The following DNASE2B variants were observed in gnomAD, a reference collection of about 807,000 sequenced individuals.
The protein encoded by DNASE2B is deoxyribonuclease 2 beta.
DNASE2B carries 43 observed loss-of-function variants against 46.0 expected under a neutral mutation model. The observed-to-expected ratio is 0.94, with a 90% CI of 0.73 to 1.21. The LOEUF (loss-of-function observed/expected upper bound fraction) is 1.21, where lower values mean the gene tolerates loss of function less well. DNASE2B is among the 50% of genes most tolerant of loss of function. DNASE2B has a pLI of 0.00. For synonymous variants in DNASE2B, 156 were observed against 152.5 expected (o/e 1.02, Z -0.17); for missense variants, 395 against 414.4 (o/e 0.95, Z 0.41).
intron 2 of DNASE2B, among the ~76,000 whole-genome samples, chr1:84,403,403 G>A (rs1227195403): frequency 6.6e-6 from 1 of 152,152 alleles, no homozygotes; most frequent in Non-Finnish European, 1.5e-5. Flanking sequence ...GTAAGCTAGA[G>A]AAAGGAAAAT....
intron 4 of DNASE2B, among the ~76,000 whole-genome samples, chr1:84,411,774 G>A (rs1463357980): frequency 6.6e-6 from 1 of 152,050 alleles, no homozygotes; most frequent in Non-Finnish European, 1.5e-5. Context: ...CCATCTTATG[G>A]CAAGGATCAC....
intron 2 of DNASE2B, among the ~76,000 whole-genome samples, chr1:84,404,946 C>A (rs1680474202): frequency 6.6e-6 from 1 of 152,150 alleles, no homozygotes; most frequent in South Asian, 2.1e-4. Flanking sequence ...GCTTCTCTTT[C>A]TTACCAATAA....
chr1:84,412,282 A>G, intron 4 of DNASE2B, 67 bp from the exon 5 acceptor site: 2 of 1,312,286 alleles, frequency 1.5e-6, no homozygotes, highest in South Asian at 2.0e-5. Context: ...AAAAAGATCT[A>G]TAATAACAGC....
At chr1:84,399,168 A>C (rs1680358214) in intron 1 of DNASE2B, among the ~76,000 whole-genome samples, 1 of 152,254 alleles carries the variant, frequency 6.6e-6, no homozygotes, top group Admixed American at 6.5e-5. Flanking sequence ...TTTGTTTGGA[A>C]GCAGAGGCAG....
At chr1:84,402,765 T>A (rs1680442585) in intron 2 of DNASE2B, among the ~76,000 whole-genome samples, 1 of 152,130 alleles carries the variant, frequency 6.6e-6, no homozygotes, top group Non-Finnish European at 1.5e-5. Flanking sequence ...CAACCAGGAG[T>A]GGCAAGTAAA....
At chr1:84,401,760 G>A in intron 1 of DNASE2B, 141 bp from the exon 2 acceptor site, 1 of 593,210 alleles carries the variant, frequency 1.7e-6, no homozygotes, top group Admixed American at 4.1e-5. Flanking sequence ...GAAGAAAGAG[G>A]CAAAGAGCTT....
intron 1 of DNASE2B, among the ~76,000 whole-genome samples, chr1:84,401,645 A>G (rs1023804046): frequency 6.6e-6 from 1 of 152,206 alleles, no homozygotes; most frequent in Admixed American, 6.5e-5. Flanking sequence ...CTCAATGTAT[A>G]TGGACTTCCA....
intron 3 of DNASE2B, among the ~76,000 whole-genome samples, chr1:84,409,084 C>T (rs1436578982): frequency 2.0e-5 from 3 of 151,756 alleles, no homozygotes; most frequent in African/African-American, 4.8e-5. Flanking sequence ...CTAAACTTTG[C>T]ATATGTGTTT....
intron 5 of DNASE2B, among the ~76,000 whole-genome samples, chr1:84,413,496 T>C (rs1680638356): frequency 6.6e-6 from 1 of 152,218 alleles, no homozygotes; most frequent in Non-Finnish European, 1.5e-5. Context: ...AATTCTTTCC[T>C]TTTTGAAACT....
At chr1:84,398,792 T>C in intron 1 of DNASE2B, 103 bp downstream of exon 1, 4 of 1,488,518 alleles carry the variant, frequency 2.7e-6, no homozygotes, top group Non-Finnish European at 3.6e-6. Context: ...TTCTCTTTCC[T>C]CCCTTTACAA....
In DNASE2B at chr1:84,400,175, C is replaced by A. The variant is rs1434199685; in HGVS notation, c.125+1486C>A. Reference sequence around the variant, plus strand: ...CCTGAGGTCAGGAGTTCAAGACCAGCCTGACCAACATGGAGAAACCCCATC... The same window carrying A: ...CCTGAGGTCAGGAGTTCAAGACCAGACTGACCAACATGGAGAAACCCCATC... On this transcript the variant is annotated intron_variant, in intron 1 of 5. Coordinates refer to ENST00000370665, the MANE Select transcript of DNASE2B (RefSeq NM_021233.3). 2.0e-5 allele frequency among the ~76,000 whole-genome samples: 3 copies of A among 152,116 alleles called. No individual in the cohort carries two copies. The East Asian group carries it at 5.8e-4, about 29-fold the overall frequency.
At chr1:84,410,366 G>A (rs1442791682) in intron 3 of DNASE2B, among the ~76,000 whole-genome samples, 1 of 152,132 alleles carries the variant, frequency 6.6e-6, no homozygotes, top group Non-Finnish European at 1.5e-5. Context: ...TAAATGGGCA[G>A]CAGTTTTTTA....
At chr1:84,408,309 G>A (rs1049087843) in intron 2 of DNASE2B, 128 bp from the exon 3 acceptor site, 41 of 1,307,650 alleles carry the variant, frequency 3.1e-5, no homozygotes, top group Non-Finnish European at 3.9e-5. Flanking sequence ...CTGCCTATTA[G>A]GGGAATAGAT....
At chr1:84,406,615 G>A (rs949377498) in intron 2 of DNASE2B, among the ~76,000 whole-genome samples, 2 of 152,140 alleles carry the variant, frequency 1.3e-5, no homozygotes, top group African/African-American at 2.4e-5. Context: ...GGTTCTGGGG[G>A]GAAAATGACA....
intron 3 of DNASE2B, 80 bp downstream of exon 3, chr1:84,408,598 T>A (rs535177830): frequency 8.0e-7 from 1 of 1,255,354 alleles, no homozygotes; most frequent in African/African-American, 1.5e-5. Flanking sequence ...TATCCTTATA[T>A]TCCATACTAA....
intron 4 of DNASE2B, 139 bp from the exon 5 acceptor site, chr1:84,412,210 A>G (rs907329440): frequency 2.0e-5 from 14 of 713,868 alleles, no homozygotes; most frequent in Non-Finnish European, 2.9e-5. Context: ...AAGTTATTTG[A>G]AGGCTATTGG....
intron 4 of DNASE2B, 27 bp from the exon 5 acceptor site, chr1:84,412,322 A>C: frequency 6.8e-7 from 1 of 1,472,272 alleles, no homozygotes; most frequent in Non-Finnish European, 9.1e-7. Context: ...TTAATTCTCA[A>C]CTTTTCTTTA....
chr1:84,412,106 G>T (rs1029318727), intron 4 of DNASE2B, among the ~76,000 whole-genome samples: 6 of 152,190 alleles, frequency 3.9e-5, no homozygotes, highest in Non-Finnish European at 8.8e-5. Context: ...TAACATGTTT[G>T]CTGTGAGGAT....
At chr1:84,403,401 G>C (rs1471534614) in intron 2 of DNASE2B, among the ~76,000 whole-genome samples, 2 of 152,128 alleles carry the variant, frequency 1.3e-5, no homozygotes, top group East Asian at 3.8e-4. Flanking sequence ...AAGTAAGCTA[G>C]AGAAAGGAAA....
Sources: allele counts gnomAD v4.1 joint callset (sites outside exome capture counted in the v4.1 genomes callset), GRCh38; gene constraint gnomAD v4.1.1; transcripts MANE v1.5; gene names NCBI Gene and HGNC (gene_info 2026-07-23, HGNC 2026-07-21).